EML1: variants seen among roughly 807,000 people sequenced by gnomAD.
EML1 encodes echinoderm microtubule-associated protein-like 1.
A neutral mutation model predicts 110.4 loss-of-function variants in EML1; 27 were observed. The ratio of observed to expected loss-of-function variants is 0.24; its 90% confidence interval spans 0.18 to 0.34. EML1 has a LOEUF of 0.34. Among genes scored for constraint, EML1 ranks in the 10% least tolerant of loss-of-function variants. EML1 has a pLI of 1.00. For missense variants in EML1, 741 were observed against 1,030.9 expected, an observed-to-expected ratio of 0.72 and a Z score of 3.85; for synonymous variants, 344 against 385.8, an observed-to-expected ratio of 0.89 and a Z score of 1.27.
At chr14:99,764,680 G>A (rs1042788077) in intron 1 of EML1, among the ~76,000 whole-genome samples, 1 of 152,200 alleles carries the variant, frequency 6.6e-6, no homozygotes, top group Non-Finnish European at 1.5e-5. Context: ...GGAAAGGGGA[G>A]ACAAGTCCCA....
At chr14:99,900,096 G>GTTGAGAGGATT (rs2059735887) in intron 8 of EML1, among the ~76,000 whole-genome samples, 1 of 151,390 alleles carries the variant, frequency 6.6e-6, no homozygotes, top group Non-Finnish European at 1.5e-5. Context: ...TAGGAACACA[G>GTTGAGAGGATT]TTGAGAGGAT....
intron 1 of EML1, among the ~76,000 whole-genome samples, chr14:99,814,822 C>T (rs987004557): frequency 6.6e-6 from 1 of 152,110 alleles, no homozygotes; most frequent in South Asian, 2.1e-4. Flanking sequence ...ACATGGGGCT[C>T]AATGGATGTT....
intron 1 of EML1, among the ~76,000 whole-genome samples, chr14:99,804,075 G>GCC (rs2057929464): frequency 6.6e-6 from 1 of 152,234 alleles, no homozygotes; most frequent in Non-Finnish European, 1.5e-5. Context: ...AAGTAATTAA[G>GCC]CAGGATTGCC....
At chr14:99,887,811 G>A (rs902431356) in intron 4 of EML1, among the ~76,000 whole-genome samples, 2 of 152,224 alleles carry the variant, frequency 1.3e-5, no homozygotes, top group African/African-American at 4.8e-5. Flanking sequence ...AACAGACTTT[G>A]TTGAGAGGCC....
At chr14:99,838,449 A>G (rs186308402) in intron 1 of EML1, among the ~76,000 whole-genome samples, 3 of 152,314 alleles carry the variant, frequency 2.0e-5, no homozygotes, top group South Asian at 4.1e-4. Flanking sequence ...GAAAGTTGCA[A>G]TAGTCTCCAT....
At chr14:99,873,904 TAGTA>T (rs2059246286) in intron 3 of EML1, among the ~76,000 whole-genome samples, 1 of 152,242 alleles carries the variant, frequency 6.6e-6, no homozygotes, top group South Asian at 2.1e-4. Context: ...GGTTGATGCC[TAGTA>T]AGTGTCTGTT....
intron 9 of EML1, 38 bp downstream of exon 9, chr14:99,901,077 A>G (rs112018532): frequency 1.9e-6 from 3 of 1,545,642 alleles, no homozygotes. Context: ...GTCTTCTTCC[A>G]CAGGAAGTAG....
At chr14:99,938,108 C>A (rs1243692151) in intron 20 of EML1, among the ~76,000 whole-genome samples, 196 bp downstream of exon 20, 1 of 152,114 alleles carries the variant, frequency 6.6e-6, no homozygotes, top group African/African-American at 2.4e-5. Context: ...CTGAGAAGAA[C>A]CAGAGAGATG....
intron 1 of EML1, among the ~76,000 whole-genome samples, chr14:99,801,129 T>C (rs2057868948): frequency 6.6e-6 from 1 of 152,222 alleles, no homozygotes; most frequent in South Asian, 2.1e-4. Flanking sequence ...TGCAGATTCT[T>C]CCCACAAATA....
intron 1 of EML1, among the ~76,000 whole-genome samples, chr14:99,848,077 G>C (rs1267248854): frequency 6.6e-6 from 1 of 151,800 alleles, no homozygotes; most frequent in African/African-American, 2.4e-5. Flanking sequence ...TTTTTTACTT[G>C]TCTTTTTTGT....
intron 1 of EML1, among the ~76,000 whole-genome samples, chr14:99,824,761 A>G (rs1595345179): frequency 6.6e-6 from 1 of 151,182 alleles, no homozygotes; most frequent in African/African-American, 2.4e-5. Context: ...GCGATTTTCA[A>G]TCCTCCCCCC....
intron 3 of EML1, among the ~76,000 whole-genome samples, chr14:99,871,962 T>A (rs1346345013): frequency 6.6e-6 from 1 of 152,222 alleles, no homozygotes; most frequent in Middle Eastern, 3.2e-3. Flanking sequence ...TGTGCTCGGC[T>A]GCTTCCCGCA....
intron 1 of EML1, among the ~76,000 whole-genome samples, chr14:99,782,335 C>T (rs1405523067): frequency 6.6e-6 from 1 of 152,174 alleles, no homozygotes; most frequent in Admixed American, 6.6e-5. Flanking sequence ...TCCTTACATG[C>T]AAGGTGCAGG....
rs1223621927 is a variant in EML1 at position 99,784,394 on chromosome 14, GC to G, written c.-27+10382del. 1.1e-4 allele frequency among the ~76,000 whole-genome samples: 16 copies of G among 152,170 alleles called. No homozygotes were observed. Among genetic ancestry groups the G allele is most frequent in the African/African-American group, 3.9e-4 (16 of 41,434 alleles). On this transcript the variant is annotated intron_variant, in intron 1 of 22. Transcript: ENST00000327921. The surrounding 1 kb of genome is among the most constrained non-coding windows in gnomAD (Gnocchi z 4.5). ...AGGTGTAAGCCACTGTGCCTGGCCT[GC>G]AAGGACATTTTAAAAAGAATTAGCC...
At chr14:99,780,892 C>T (rs1048549005) in intron 1 of EML1, among the ~76,000 whole-genome samples, 10 of 152,132 alleles carry the variant, frequency 6.6e-5, no homozygotes, top group Non-Finnish European at 1.2e-4. Context: ...GTGCACTCTA[C>T]GATGCTCGCA....
rs8015306 is a variant in EML1 at position 99,781,787 on chromosome 14, A to G, written c.-27+7774A>G. 0.5 allele frequency among the ~76,000 whole-genome samples: 75,881 copies of G among 151,824 alleles called. 20,395 individuals are homozygous for G. The highest frequency in any genetic ancestry group is 0.7 in the African/African-American group (29,158 of 41,456). ...CATTAACAGAGCTGGATGTCTCATC[A>G]GTTTCCAGACATACTGAGTATGCAT... On this transcript the variant is annotated intron_variant, in intron 1 of 22. Coordinates refer to the EML1 transcript ENST00000327921. This position sits in a 1 kb window ranked among gnomAD's most constrained non-coding sequence, Gnocchi z 4.2.
chr14:99,909,212 TG>T (rs2059906603), intron 10 of EML1, 132 bp from the exon 11 acceptor site: 2 of 1,342,416 alleles, frequency 1.5e-6, no homozygotes, highest in Middle Eastern at 1.8e-4. Context: ...ATGGATTCAA[TG>T]GGGGAAATAA....
chr14:99,825,172 A>G (rs1326181466), intron 1 of EML1, among the ~76,000 whole-genome samples: 1 of 151,824 alleles, frequency 6.6e-6, no homozygotes, highest in Non-Finnish European at 1.5e-5. Context: ...TTTTGTAGAG[A>G]TGGGGGTCTT....
At chr14:99,938,011 A>G in intron 20 of EML1, 99 bp downstream of exon 20, 1 of 1,295,174 alleles carries the variant, frequency 7.7e-7, no homozygotes, top group Non-Finnish European at 1.1e-6. Context: ...CAGTCTTGTC[A>G]GATTGCTCGG....
Sources: allele counts gnomAD v4.1 joint callset (sites outside exome capture counted in the v4.1 genomes callset), GRCh38; gene constraint gnomAD v4.1.1; non-coding constraint Gnocchi (gnomAD v3.1); transcripts MANE v1.5; gene names NCBI Gene and HGNC (gene_info 2026-07-23, HGNC 2026-07-21).